ZNF276: variants seen among roughly 807,000 people sequenced by gnomAD.
ZNF276 encodes centromere protein Z.
In ZNF276, 59 loss-of-function variants were observed where a neutral mutation model predicts 63.9. The observed-to-expected ratio is 0.92, with a 90% CI of 0.75 to 1.15. ZNF276 has a LOEUF of 1.15. ZNF276 is among the 50% of genes most tolerant of loss of function. The pLI is 0.00. For synonymous variants in ZNF276, 496 were observed against 348.4 expected, an observed-to-expected ratio of 1.42 and a Z score of -4.72; for missense variants, 1,084 against 843.8, an observed-to-expected ratio of 1.28 and a Z score of -3.53.
chr16:89,723,073 G>A (rs781036081), intron 2 of ZNF276, 64 bp from the exon 3 acceptor site: 6 of 1,612,088 alleles, frequency 3.7e-6, no homozygotes, highest in Non-Finnish European at 4.2e-6. Context: ...AGAGGGTCCC[G>A]TACGACGAGC....
At chr16:89,727,012 C>T (rs1324171552) in intron 4 of ZNF276, among the ~76,000 whole-genome samples, 3 of 152,204 alleles carry the variant, frequency 2.0e-5, no homozygotes, top group Non-Finnish European at 4.4e-5. Flanking sequence ...GGATCGGAGT[C>T]AGTGGAAGGA....
upstream of ZNF276, chr16:89,721,433 G>C (rs573913914): frequency 9.0e-6 from 4 of 442,030 alleles, no homozygotes; most frequent in Admixed American, 4.6e-5. Flanking sequence ...CGGTACGAGC[G>C]GGGGCGCTGG....
Position 89,737,811 on chromosome 16 carries a change from C to T in ZNF276, c.1480C>T (p.Arg494Trp), listed in dbSNP as rs765066482. The T allele has an allele frequency of 9.3e-6, 15 of 1,614,046 alleles. No homozygotes were observed. The highest frequency in any genetic ancestry group is 3.3e-5 in the Admixed American group (2 of 60,002). The change falls in exon 10 of 11, where the codon CGG becomes TGG. Residue 494 changes from arginine (R) to tryptophan (W), a missense_variant. Physicochemically the swap from Arg to Trp is moderately radical, Grantham distance 101 (BLOSUM62 -3). Transcript: ENST00000443381. ...RHVKLIHTEV[R>W]NYICDECGQT... ...ACTGGACTCTCCCCTCTCAGAGGTGCGGAACTATATCTGTGACGAATGTGG... is the reference window on the plus strand; with the variant it reads ...ACTGGACTCTCCCCTCTCAGAGGTGTGGAACTATATCTGTGACGAATGTGG...
intron 9 of ZNF276, among the ~76,000 whole-genome samples, chr16:89,736,202 T>A (rs7498527): frequency 1.3e-5 from 2 of 152,164 alleles, no homozygotes; most frequent in Non-Finnish European, 2.9e-5. Flanking sequence ...ATTTTTCTAT[T>A]TTTAGTAGAG....
At chr16:89,736,258 C>T (rs1031154709) in intron 9 of ZNF276, among the ~76,000 whole-genome samples, 1 of 151,812 alleles carries the variant, frequency 6.6e-6, no homozygotes, top group Non-Finnish European at 1.5e-5. Flanking sequence ...AGTTCCTGAC[C>T]TCAGGTGATT....
rs2061360986 is a variant in ZNF276 at position 89,723,191 on chromosome 16, C to A, written c.556+8C>A. The A allele has an allele frequency of 6.2e-7, 1 of 1,613,038 alleles. No individual in the cohort carries two copies. The highest frequency in any genetic ancestry group is 1.3e-5 in the African/African-American group (1 of 74,942). On this transcript the variant is annotated splice_region_variant and intron_variant, in intron 3 of 10. Transcript: ENST00000443381. ...AGGAGGGAGCGTGTCTGGGTGAGTC[C>A]TCCCCCGGTGGAGGGTGGGCTGGGT...
At chr16:89,728,604 TTG>T (rs2061545209) in intron 5 of ZNF276, among the ~76,000 whole-genome samples, 3 of 151,942 alleles carry the variant, frequency 2.0e-5, no homozygotes, top group Non-Finnish European at 4.4e-5. Context: ...GGGTTTCACT[TTG>T]TTAGCCGGGA....
At chr16:89,720,923 G>A (rs1326567471), upstream of ZNF276, 2 of 1,252,422 alleles carry the variant, frequency 1.6e-6, no homozygotes, top group Non-Finnish European at 2.0e-6. Context: ...CGGAGGCCCG[G>A]AACGCAGCCG....
intron 2 of ZNF276, 37 bp from the exon 3 acceptor site, chr16:89,723,100 T>G (rs1221932579): frequency 6.2e-7 from 1 of 1,612,976 alleles, no homozygotes; most frequent in Admixed American, 1.7e-5. Context: ...AACCTCCGCC[T>G]GCTTGTCCTG....
chr16:89,723,222 C>G (rs909004463), intron 3 of ZNF276, 38 bp from the exon 4 acceptor site: 1 of 1,613,032 alleles, frequency 6.2e-7, no homozygotes, highest in Non-Finnish European at 8.5e-7. Context: ...TGGGTGCCGA[C>G]CAGCCGTGGA....
chr16:89,723,525 C>T lies in ZNF276; in HGVS notation c.822C>T (p.His274=), dbSNP rs1448904629. The part of the protein sequence containing the change: ...DKETAPRLPQ[H]RGWNPGDAPQ... ...AGACGGCGCCACGGCTGCCCCAGCA[C>T]CGAGGGTGGAACCCTGGGGATGCCC... The change falls in exon 4 of 11, where the codon CAC becomes CAT. Residue 274 remains histidine (H), a synonymous_variant. Coordinates refer to ENST00000443381, the MANE Select transcript of ZNF276 (RefSeq NM_001113525.2). The T allele has an allele frequency of 2.5e-6, 4 of 1,612,830 alleles. No individual in the cohort carries two copies. Among genetic ancestry groups the T allele is most frequent in the Admixed American group, 3.3e-5 (2 of 60,022 alleles).
intron 2 of ZNF276, 110 bp from the exon 3 acceptor site, chr16:89,723,027 A>T: frequency 6.2e-7 from 1 of 1,603,460 alleles, no homozygotes; most frequent in Non-Finnish European, 8.5e-7. Context: ...GGGAAGAGAA[A>T]GTTGCCTATG....
intron 5 of ZNF276, among the ~76,000 whole-genome samples, chr16:89,728,420 T>C (rs143250644): frequency 1.3e-5 from 2 of 151,984 alleles, no homozygotes; most frequent in African/African-American, 2.4e-5. Context: ...TTTTTTTTAT[T>C]TGAGACGGAG....
chr16:89,723,250 C>G lies in ZNF276; in HGVS notation c.557-10C>G, dbSNP rs781588525. 1 of 1,612,990 alleles carries G rather than the reference C, an allele frequency of 6.2e-7. No homozygotes were observed. The highest frequency in any genetic ancestry group is 1.3e-5 in the African/African-American group (1 of 74,950). ...GCCGTGGATCTGACATCTCTGTTGA[C>G]TCTCTGCAGTGGATCTGATCACATC... is the stretch of plus-strand genomic sequence containing the variant. On this transcript the variant is annotated splice_polypyrimidine_tract_variant and intron_variant, in intron 3 of 10. Transcript: ENST00000443381.
In ZNF276 at chr16:89,721,626, G is replaced by C. The variant is rs908286910; in HGVS notation, c.-15G>C. 3.4e-6 allele frequency: 5 copies of C among 1,473,080 alleles called. No homozygotes were observed. The highest frequency in any genetic ancestry group is 1.5e-5 in the African/African-American group (1 of 68,234). The allele number at this position is 1,473,080 out of a possible 1,614,324, so 91.3% of individuals were successfully genotyped here. On this transcript the variant is annotated 5_prime_UTR_variant, in exon 1 of 11. Coordinates refer to ENST00000443381, the MANE Select transcript of ZNF276 (RefSeq NM_001113525.2). ...GGGCAGCACCCGCGGGATTCTGCTG[G>C]CGTCCTCCGCTGCCATGAAGCGGGA...
chr16:89,729,165 C>T, intron 5 of ZNF276, 70 bp from the exon 6 acceptor site: 10 of 1,267,086 alleles, frequency 7.9e-6, no homozygotes, highest in Non-Finnish European at 1.1e-5. Flanking sequence ...TATCTTTAGG[C>T]AGGAGGTCGT....
chr16:89,735,895 G>GTTTTTTTT (rs202205113), intron 9 of ZNF276, among the ~76,000 whole-genome samples: 1 of 142,888 alleles, frequency 7.0e-6, no homozygotes, highest in African/African-American at 2.6e-5. Context: ...TTTTTTGTTT[G>GTTTTTTTT]TTTGTTTGTT....
chr16:89,721,598 G>T lies in ZNF276; in HGVS notation c.-43G>T. On this transcript the variant is annotated 5_prime_UTR_variant, in exon 1 of 11. Coordinates refer to ENST00000443381, the MANE Select transcript of ZNF276 (RefSeq NM_001113525.2). ...ACGCCGGGTCCTCTAGGAACCTCGG[G>T]CCGGGCAGCACCCGCGGGATTCTGC... The T allele has an allele frequency of 1.4e-6, 2 of 1,467,614 alleles. No individual in the cohort carries two copies. Among genetic ancestry groups the T allele is most frequent in the Non-Finnish European group, 1.8e-6 (2 of 1,114,164 alleles). 90.9% of individuals were successfully genotyped at this position (1,467,614 alleles called of 1,614,324 possible).
intron 9 of ZNF276, among the ~76,000 whole-genome samples, chr16:89,737,386 T>TG (rs17227466): frequency 0.06 from 9,052 of 151,842 alleles, 420 homozygotes; most frequent in East Asian, 0.22. Flanking sequence ...CTGGGCGTGG[T>TG]GGGGGGCGCC....
Sources: gnomAD v4.1 joint callset for allele counts (sites outside exome capture counted in the v4.1 genomes callset) on GRCh38, gnomAD v4.1.1 for gene constraint, MANE v1.5 for transcripts, NCBI Gene and HGNC (gene_info 2026-07-23, HGNC 2026-07-21) for gene names.